The following CP variants were observed in gnomAD, a reference collection of about 807,000 sequenced individuals.
The protein encoded by CP is caeruloplasmin.
A neutral mutation model predicts 122.4 loss-of-function variants in CP; 64 were observed. The observed-to-expected ratio is 0.52, with a 90% CI of 0.43 to 0.64. CP has a LOEUF of 0.64. CP is among the 30% of genes least tolerant of loss of function. The pLI, the probability that CP is intolerant of heterozygous loss-of-function variation, is 0.00. For missense variants in CP, 1,167 were observed against 1,284.4 expected (o/e 0.91, Z 1.40); for synonymous variants, 440 against 436.4 (o/e 1.01, Z -0.10).
downstream of CP, chr3:149,172,111 T>C: frequency 6.2e-7 from 1 of 1,613,242 alleles, no homozygotes; most frequent in Non-Finnish European, 8.5e-7. Context: ...TGTCAATTGT[T>C]GCTGTGGAAC....
rs532091611 is a variant in CP, at chr3:149,201,322, C to T, written c.1348+780G>A. ...TATTTTTAGTAGAGACTGGTTTCAC[C>T]GTGTTAGCCAGGATGGTCTCGATCT... On this transcript the variant is annotated intron_variant, in intron 7 of 18. Coordinates refer to ENST00000264613, the MANE Select transcript of CP (RefSeq NM_000096.4). 4.9e-3 allele frequency among the ~76,000 whole-genome samples: 749 copies of T among 151,898 alleles called. 8 individuals are homozygous for T. Among genetic ancestry groups the T allele is most frequent in the South Asian group, 0.02 (96 of 4,780 alleles).
intron 6 of CP, among the ~76,000 whole-genome samples, chr3:149,202,887 G>T (rs916272306): frequency 6.8e-6 from 1 of 146,580 alleles, no homozygotes; most frequent in Non-Finnish European, 1.5e-5. Flanking sequence ...GGGATTACAG[G>T]CATGAGCCAC....
intron 9 of CP, among the ~76,000 whole-genome samples, chr3:149,190,144 T>G (rs1726448172): frequency 6.6e-6 from 1 of 151,926 alleles, no homozygotes; most frequent in Non-Finnish European, 1.5e-5. Flanking sequence ...AATCCAAAAA[T>G]ATATTATGTG....
At chr3:149,183,647 A>C in intron 12 of CP, 42 bp from the exon 13 acceptor site, 3 of 1,371,238 alleles carry the variant, frequency 2.2e-6, no homozygotes, top group South Asian at 1.3e-5. Context: ...TGTCTTAATG[A>C]AAATGTAACT....
chr3:149,199,605 C>T (rs977773445), intron 8 of CP, 107 bp downstream of exon 8: 12 of 1,276,166 alleles, frequency 9.4e-6, no homozygotes, highest in Admixed American at 1.7e-5. Flanking sequence ...GATATATGAG[C>T]GGTTTCCTTG....
At chr3:149,172,350 A>ACACACG (rs1725088463), downstream of CP, 8 of 697,782 alleles carry the variant, frequency 1.1e-5, no homozygotes, top group South Asian at 1.1e-4. Flanking sequence ...ACACACACAC[A>ACACACG]CACACATATA....
chr3:149,168,131 C>T, downstream of CP: 1 of 635,978 alleles, frequency 1.6e-6, no homozygotes, highest in Admixed American at 2.7e-5. Flanking sequence ...CATTCACGTA[C>T]CCTCCCCTTG....
chr3:149,182,075 G>A lies in CP; in HGVS notation c.2484C>T (p.Ala828=). Residue 828 remains alanine, a synonymous_variant, in exon 14 of 19, where the codon GCC becomes GCT. Coordinates refer to ENST00000264613, the MANE Select transcript of CP (RefSeq NM_000096.4). ...DKVKIIFKNM[A]TRPYSIHAHG... is the part of the protein sequence containing the mutation. ...GGGCATGTATTGAGTAGGGCCTTGT[G>A]GCCATGTTTTTAAAGATAATTTTGA... is the stretch of plus-strand genomic sequence containing the variant. 6.2e-7 allele frequency: 1 copy of A among 1,611,492 alleles called. No homozygotes were observed. The highest frequency in any genetic ancestry group is 8.5e-7 in the Non-Finnish European group (1 of 1,179,098).
chr3:149,205,149 C>T (rs143717086), intron 6 of CP, among the ~76,000 whole-genome samples: 181 of 150,722 alleles, frequency 1.2e-3, no homozygotes, highest in African/African-American at 4.3e-3. Flanking sequence ...ATCACAACCA[C>T]TATGAAATAT....
chr3:149,211,725 A>G (rs35899708), intron 2 of CP, among the ~76,000 whole-genome samples: 4,986 of 152,338 alleles, frequency 0.033, 101 homozygotes, highest in Non-Finnish European at 0.044. Flanking sequence ...ACAACAGCAC[A>G]GTATGTTTAC....
Position 149,212,500 on chromosome 3 carries a change from C to A in CP, c.345G>T (p.Arg115Ser). Residue 115 changes from arginine (R) to serine (S), a missense_variant, in exon 2 of 19, where the codon AGG becomes AGT. Around this residue, in one of 2 missense-constraint regions of CP, gnomAD observed 642 missense variants for 627.3 expected, o/e 1.02. Transcript: ENST00000264613. The stretch of plus-strand genomic sequence containing the variant: ...TTCCATGTGAATGAAAGGTGTAGGG[C>A]CTAGAGGCAAGGTTTTTTAAGTGTA... ...VYVHLKNLAS[R>S]PYTFHSHGIT... 1 of 1,613,870 alleles carries A rather than the reference C, an allele frequency of 6.2e-7. No individual in the cohort carries two copies. Among genetic ancestry groups the A allele is most frequent in the Non-Finnish European group, 8.5e-7 (1 of 1,179,914 alleles).
chr3:149,211,526 C>T (rs960543391), intron 2 of CP, among the ~76,000 whole-genome samples: 1 of 152,164 alleles, frequency 6.6e-6, no homozygotes, highest in African/African-American at 2.4e-5. Context: ...TCACAGGCAC[C>T]AAACCTTATC....
chr3:149,198,842 G>T (rs116728130), intron 8 of CP, among the ~76,000 whole-genome samples: 1 of 152,170 alleles, frequency 6.6e-6, no homozygotes, highest in Non-Finnish European at 1.5e-5. Flanking sequence ...CTTTCATGTT[G>T]TATTGCGTGT....
chr3:149,186,453 G>T, intron 11 of CP, 67 bp downstream of exon 11: 1 of 1,441,962 alleles, frequency 6.9e-7, no homozygotes, highest in Non-Finnish European at 9.7e-7. Flanking sequence ...AACACATTCT[G>T]CTACAGGATT....
rs71304221 is a variant in CP at position 149,179,711 on chromosome 3, TAC to T, written c.2555-51_2555-50del. On this transcript the variant is annotated intron_variant, in intron 14 of 18. Coordinates refer to ENST00000264613, the MANE Select transcript of CP (RefSeq NM_000096.4). ...ATCTGGTTGTATTTGGTTTATATTG[TAC>T]ACACACACACACACACACACACACA... 86,188 of 603,540 alleles carry T rather than the reference TAC, an allele frequency of 0.14. 1,120 individuals carry two copies. The highest frequency in any genetic ancestry group is 0.19 in the Middle Eastern group (455 of 2,432). 37.4% of individuals were successfully genotyped at this position (603,540 alleles called of 1,614,324 possible).
At chr3:149,175,352 C>G (rs1053543174) in intron 18 of CP, among the ~76,000 whole-genome samples, 10 of 152,060 alleles carry the variant, frequency 6.6e-5, no homozygotes, top group African/African-American at 2.4e-4. Flanking sequence ...AATAGTTTTT[C>G]ATGATGTAAG....
At chr3:149,207,832 A>G (rs1050718663) in intron 4 of CP, among the ~76,000 whole-genome samples, 1 of 152,190 alleles carries the variant, frequency 6.6e-6, no homozygotes, top group East Asian at 1.9e-4. Context: ...TCAATACCAT[A>G]TTAACAGATG....
chr3:149,215,281 A>G (rs1728392132), intron 1 of CP, among the ~76,000 whole-genome samples: 1 of 152,240 alleles, frequency 6.6e-6, no homozygotes, highest in Middle Eastern at 3.2e-3. Flanking sequence ...TTGCATTGAA[A>G]TGCTCCTGTA....
intron 7 of CP, 97 bp downstream of exon 7, chr3:149,202,005 G>A (rs1306419697): frequency 6.7e-7 from 1 of 1,486,552 alleles, no homozygotes; most frequent in Non-Finnish European, 9.4e-7. Context: ...TTAACACATA[G>A]AAATCATGCA....
Sources: allele counts gnomAD v4.1 joint callset (sites outside exome capture counted in the v4.1 genomes callset), GRCh38; gene constraint gnomAD v4.1.1; regional missense constraint gnomAD v4.1.1; transcripts MANE v1.5; gene names NCBI Gene and HGNC (gene_info 2026-07-23, HGNC 2026-07-21).